ANO3: variants seen among roughly 807,000 people sequenced by gnomAD.
ANO3 encodes the protein anoctamin-3.
ANO3 carries 99 observed loss-of-function variants against 144.8 expected under a neutral mutation model. The ratio of observed to expected loss-of-function variants is 0.68; its 90% CI spans 0.58 to 0.81. ANO3 has a LOEUF of 0.81. Among genes scored for constraint, ANO3 ranks in the 30% least tolerant of loss-of-function variants. The pLI is 0.00. For missense variants in ANO3, 905 were observed against 1,202.2 expected (o/e 0.75, Z 3.66); for synonymous variants, 414 against 392.6 (o/e 1.05, Z -0.64).
chr11:26,465,987 T>C (rs1859589587), intron 4 of ANO3, among the ~76,000 whole-genome samples: 1 of 151,948 alleles, frequency 6.6e-6, no homozygotes, highest in Admixed American at 6.6e-5. Context: ...TTTTAGCATG[T>C]TATTTATACT....
chr11:26,526,271 G>A (rs967918480), intron 7 of ANO3, among the ~76,000 whole-genome samples: 1 of 152,120 alleles, frequency 6.6e-6, no homozygotes, highest in Non-Finnish European at 1.5e-5. Context: ...TGGAAAAGGA[G>A]TCAATCAAAC....
chr11:26,342,110 T>C lies in ANO3; in HGVS notation c.46+9789T>C, dbSNP rs566426750. Among the ~76,000 whole-genome samples the C allele has an allele frequency of 1.1e-4, 16 of 152,228 alleles. No individual in the cohort carries two copies. In the South Asian group the frequency reaches 3.1e-3, roughly 30 times the overall value. ...TTAACCATCAAAACAGATGAGGAAA[T>C]TGAAGGGCAGAGAAGTTAAATCAGA... On this transcript the variant is annotated intron_variant, in intron 1 of 26. Transcript: ENST00000256737.
rs1434206121 is a variant in ANO3, at chr11:26,356,121, CTTT to C, written c.46+23804_46+23806del. Among the ~76,000 whole-genome samples the C allele has an allele frequency of 4.0e-5, 6 of 151,628 alleles. No individual in the cohort carries two copies. In the East Asian group the frequency reaches 1.2e-3, roughly 29 times the overall value. The stretch of plus-strand genomic sequence containing the variant: ...ATTCTCTCATTTTTCACCTATTTGT[CTTT>C]TTTCTTTTTATTCCACTCATCTATA... On this transcript the variant is annotated intron_variant, in intron 1 of 26. Coordinates refer to ENST00000256737, the MANE Select transcript of ANO3 (RefSeq NM_031418.4).
intron 1 of ANO3, among the ~76,000 whole-genome samples, chr11:26,204,170 G>A (rs12269772): frequency 0.034 from 5,216 of 152,058 alleles, 313 homozygotes; most frequent in African/African-American, 0.12. Flanking sequence ...TTCCTATACC[G>A]CATTCCCTGG....
At chr11:26,334,039 ATGT>A (rs751851966) in intron 1 of ANO3, among the ~76,000 whole-genome samples, 23 of 152,316 alleles carry the variant, frequency 1.5e-4, no homozygotes, top group Admixed American at 1.0e-3. Flanking sequence ...GTATGGATAC[ATGT>A]TGTGTTTTTA....
upstream of ANO3, chr11:26,332,094 G>A (rs574476409): frequency 1.1e-4 from 156 of 1,467,168 alleles, no homozygotes; most frequent in Admixed American, 2.7e-4. Flanking sequence ...GCCCTCCCGC[G>A]TTCCCATGAC....
At chr11:26,622,548 G>A (rs1852450070) in intron 17 of ANO3, among the ~76,000 whole-genome samples, 1 of 152,186 alleles carries the variant, frequency 6.6e-6, no homozygotes, top group African/African-American at 2.4e-5. Context: ...TTAGGATGCA[G>A]TGAGTTGTGA....
At chr11:26,314,467 G>A (rs1854575363) in intron 1 of ANO3, among the ~76,000 whole-genome samples, 1 of 152,080 alleles carries the variant, frequency 6.6e-6, no homozygotes, top group African/African-American at 2.4e-5. Context: ...CTTTTTCATT[G>A]TAAATGGGGT....
At chr11:26,400,573 G>A (rs1337800023) in intron 1 of ANO3, among the ~76,000 whole-genome samples, 1 of 151,700 alleles carries the variant, frequency 6.6e-6, no homozygotes, top group Admixed American at 6.6e-5. Flanking sequence ...TAATGTATCT[G>A]TATTTAACAT....
intron 1 of ANO3, among the ~76,000 whole-genome samples, chr11:26,236,998 A>T (rs938250293): frequency 6.6e-6 from 1 of 152,110 alleles, no homozygotes; most frequent in African/African-American, 2.4e-5. Flanking sequence ...ACTATTGAAG[A>T]CTATCCTTTA....
At chr11:26,462,115 T>C (rs1467661077) in intron 3 of ANO3, among the ~76,000 whole-genome samples, 4 of 152,008 alleles carry the variant, frequency 2.6e-5, no homozygotes, top group African/African-American at 9.7e-5. Flanking sequence ...GGAATGGATA[T>C]ACTATAAACA....
intron 1 of ANO3, among the ~76,000 whole-genome samples, chr11:26,386,427 T>C (rs1856735180): frequency 6.6e-6 from 1 of 152,146 alleles, no homozygotes; most frequent in African/African-American, 2.4e-5. Context: ...GGAGGAAGTT[T>C]AATGAGGAAC....
At chr11:26,596,763 G>A (rs1025413251) in intron 14 of ANO3, among the ~76,000 whole-genome samples, 7 of 152,144 alleles carry the variant, frequency 4.6e-5, no homozygotes, top group African/African-American at 1.7e-4. Context: ...AGGAGATATG[G>A]GTCAGAAGGA....
chr11:26,609,174 G>T (rs1459654477), intron 17 of ANO3, among the ~76,000 whole-genome samples: 1 of 152,084 alleles, frequency 6.6e-6, no homozygotes, highest in Non-Finnish European at 1.5e-5. Flanking sequence ...TTGGCTGGGG[G>T]CATGGAGGCT....
intron 1 of ANO3, among the ~76,000 whole-genome samples, chr11:26,198,711 C>T (rs1329445283): frequency 6.6e-6 from 1 of 152,102 alleles, no homozygotes; most frequent in African/African-American, 2.4e-5. Flanking sequence ...AAAGTTATCC[C>T]TTTTCCAAGG....
intron 4 of ANO3, among the ~76,000 whole-genome samples, chr11:26,495,123 G>A (rs1860880369): frequency 8.1e-6 from 1 of 122,848 alleles, no homozygotes; most frequent in Non-Finnish European, 1.8e-5. Context: ...TTATTTATTT[G>A]AGACAGGGTC....
At chr11:26,547,157 A>G (rs1442773732) in intron 11 of ANO3, among the ~76,000 whole-genome samples, 1 of 151,944 alleles carries the variant, frequency 6.6e-6, no homozygotes, top group Non-Finnish European at 1.5e-5. Context: ...AGCCAGGTTT[A>G]TGAGCATGTT....
upstream of ANO3, among the ~76,000 whole-genome samples, chr11:26,307,847 A>G (rs1854419913): frequency 1.3e-5 from 2 of 151,994 alleles, no homozygotes; most frequent in African/African-American, 4.8e-5. Context: ...TCTTATAATT[A>G]TGCCTTTTCT....
At chr11:26,640,790 G>C (rs1368366283) in intron 21 of ANO3, among the ~76,000 whole-genome samples, 1 of 152,084 alleles carries the variant, frequency 6.6e-6, no homozygotes, top group Non-Finnish European at 1.5e-5. Flanking sequence ...AGCGGGAGTA[G>C]ACCAGCCATT....
Sources: allele counts gnomAD v4.1 joint callset (sites outside exome capture counted in the v4.1 genomes callset), GRCh38; gene constraint gnomAD v4.1.1; transcripts MANE v1.5; gene names NCBI Gene and HGNC (gene_info 2026-07-23, HGNC 2026-07-21).